GNAS: variants seen among roughly 807,000 people sequenced by gnomAD.
The protein encoded by GNAS is GNAS complex locus, also known as protein ALEX.
In GNAS, 8 loss-of-function variants were observed where a neutral mutation model predicts 54.5. The ratio of observed to expected loss-of-function variants is 0.15; its 90% CI spans 0.09 to 0.26. The LOEUF (loss-of-function observed/expected upper bound fraction) is 0.26. Among genes scored for constraint, GNAS ranks in the 10% least tolerant of loss-of-function variants. GNAS has a pLI of 1.00. For synonymous variants in GNAS, 204 were observed against 191.4 expected (o/e 1.07, Z -0.54); for missense variants, 170 against 529.8 (o/e 0.32, Z 6.67).
At chr20:58,879,236 C>CTTT (rs2088057376) in intron 1 of GNAS, among the ~76,000 whole-genome samples, 1 of 152,130 alleles carries the variant, frequency 6.6e-6, no homozygotes, top group Non-Finnish European at 1.5e-5. Context: ...AAAAAGCAAG[C>CTTT]CTCCAAGCCA....
At chr20:58,872,616 T>G (rs2087543882) in intron 1 of GNAS, among the ~76,000 whole-genome samples, 1 of 152,170 alleles carries the variant, frequency 6.6e-6, no homozygotes, top group Non-Finnish European at 1.5e-5. Flanking sequence ...ACAAGTTTTA[T>G]TCTCTTGGGT....
intron 1 of GNAS, chr20:58,892,154 C>T (rs972206999): frequency 1.2e-4 from 113 of 964,268 alleles, no homozygotes; most frequent in East Asian, 9.4e-4. Context: ...TCGCTCTCCC[C>T]CTCTTTCTCT....
intron 3 of GNAS, chr20:58,900,056 C>A: frequency 1.5e-6 from 1 of 651,814 alleles, no homozygotes. Flanking sequence ...AATAAGAATA[C>A]TATTCTGTTA....
chr20:58,852,775 C>G (rs760216550), intron 1 of GNAS: 1 of 220,780 alleles, frequency 4.5e-6, no homozygotes, highest in Non-Finnish European at 9.1e-6. Context: ...GCGAGGCCTG[C>G]GCTCACCAGC....
intron 1 of GNAS, chr20:58,876,973 C>G (rs2087863585): frequency 6.6e-6 from 1 of 152,284 alleles, no homozygotes; most frequent in African/African-American, 2.4e-5. Flanking sequence ...CTGCTTAGAA[C>G]TCTGCTTTAA....
intron 1 of GNAS, chr20:58,843,903 T>C (rs1294462080): frequency 6.6e-6 from 1 of 152,180 alleles, no homozygotes; most frequent in African/African-American, 2.4e-5. Flanking sequence ...TTTATGTTCA[T>C]CAGAATTCAA....
chr20:58,898,866 A>G, intron 2 of GNAS, 75 bp from the exon 3 acceptor site: 1 of 1,232,784 alleles, frequency 8.1e-7, no homozygotes, highest in Non-Finnish European at 1.2e-6. Flanking sequence ...TGAGGAATGT[A>G]GAGAGACTGT....
chr20:58,854,835 C>A lies in GNAS; in HGVS notation c.43+13949C>A, dbSNP rs777891316. ...TGCAGCCCCTGCCTCCGGGGCCAGACGCAAGATCCATCTCAGACCCCCCAG... is the reference window on the plus strand; with the variant it reads ...TGCAGCCCCTGCCTCCGGGGCCAGAAGCAAGATCCATCTCAGACCCCCCAG... On this transcript the variant is annotated intron_variant, in intron 1 of 12. Coordinates refer to the GNAS transcript ENST00000306090. The A allele has an allele frequency of 4.4e-6, 7 of 1,595,606 alleles. No homozygotes were observed. In the South Asian group the frequency reaches 7.9e-5, roughly 18 times the overall value.
Position 58,841,630 on chromosome 20 carries a change from T to C in GNAS, c.43+744T>C. On this transcript the variant is annotated intron_variant, in intron 1 of 12. Transcript: ENST00000306090. This position sits in a 1 kb window ranked among gnomAD's most constrained non-coding sequence, Gnocchi z 5.0. ...CGCACCTGCCCGCGCGCGCCGGAGC[T>C]GACCTCTCCCGGCGGCGGGCGGTTA... 1 of 1,079,812 alleles carries C rather than the reference T, an allele frequency of 9.3e-7. No individual in the cohort carries two copies. Among genetic ancestry groups the C allele is most frequent in the Non-Finnish European group, 1.1e-6 (1 of 891,174 alleles). The allele number at this position is 1,079,812 out of a possible 1,614,324, so 66.9% of individuals were successfully genotyped here.
At chr20:58,868,396 C>T (rs955817922) in intron 1 of GNAS, among the ~76,000 whole-genome samples, 12 of 152,174 alleles carry the variant, frequency 7.9e-5, no homozygotes, top group African/African-American at 2.4e-4. Context: ...TCAGATGATC[C>T]GCCCACCTTG....
Position 58,853,912 on chromosome 20 carries a change from A to T in GNAS, c.43+13026A>T. On this transcript the variant is annotated intron_variant, in intron 1 of 12. Transcript: ENST00000306090. This position sits in a 1 kb window ranked among gnomAD's most constrained non-coding sequence, Gnocchi z 4.4. ...GCAAAGGCTGGCTCCAGAGGAGGCT[A>T]CAGCCCTCCCCCTGAGGAGACTATG... The T allele has an allele frequency of 6.2e-7, 1 of 1,608,222 alleles. No homozygotes were observed. The highest frequency in any genetic ancestry group is 8.5e-7 in the Non-Finnish European group (1 of 1,177,716).
chr20:58,892,106 C>A (rs558991494), intron 1 of GNAS: 3 of 967,912 alleles, frequency 3.1e-6, no homozygotes, highest in African/African-American at 3.5e-5. Flanking sequence ...CCCCCTCCCC[C>A]GGCCTGCCCG....
Position 58,863,531 on chromosome 20 carries a change from T to C in GNAS, c.43+22645T>C, listed in dbSNP as rs1336322649. 2.0e-5 allele frequency: 3 copies of C among 152,156 alleles called. No individual in the cohort carries two copies. The highest frequency in any genetic ancestry group is 6.5e-5 in the Admixed American group (1 of 15,276). 9.4% of individuals were successfully genotyped at this position (152,156 alleles called of 1,614,324 possible). On this transcript the variant is annotated intron_variant, in intron 1 of 12. Transcript: ENST00000306090. The surrounding 1 kb of genome is among the most constrained non-coding windows in gnomAD (Gnocchi z 4.1). ...TTCCGACATTGTCACACACACACTG[T>C]GTGTGGGACAGAGTAAGTACTTTTA... is the stretch of plus-strand genomic sequence containing the variant.
intron 5 of GNAS, among the ~76,000 whole-genome samples, chr20:58,905,169 T>G (rs926524282): frequency 1.3e-5 from 2 of 152,206 alleles, no homozygotes; most frequent in African/African-American, 4.8e-5. Flanking sequence ...TAATTCACAA[T>G]AAGACCCAGC....
At chr20:58,897,505 AG>A (rs1489088477) in intron 2 of GNAS, 2 of 152,242 alleles carry the variant, frequency 1.3e-5, no homozygotes, top group African/African-American at 4.8e-5. Context: ...CCTTAGCTTG[AG>A]TCGGATGGAA....
intron 1 of GNAS, among the ~76,000 whole-genome samples, chr20:58,893,066 C>CTTTTTTTTTTTTTTTT (rs869179421): frequency 7.8e-5 from 8 of 103,090 alleles, no homozygotes; most frequent in African/African-American, 8.3e-5. Flanking sequence ...GGCGTGGTTT[C>CTTTTTTTTTTTTTTTT]TTTTTTTTTT....
At chr20:58,899,024 C>G (rs1421496939) in intron 3 of GNAS, 39 bp downstream of exon 3, 5 of 1,509,080 alleles carry the variant, frequency 3.3e-6, no homozygotes, top group Non-Finnish European at 4.6e-6. Flanking sequence ...GTTAACAAAC[C>G]AAACAAACAT....
chr20:58,852,028 C>A (rs778153633), intron 1 of GNAS, among the ~76,000 whole-genome samples: 55 of 152,282 alleles, frequency 3.6e-4, no homozygotes, highest in Admixed American at 5.9e-4. Flanking sequence ...TTTAACCCTT[C>A]CCTAGAACAG....
chr20:58,895,281 C>G (rs905947324), intron 1 of GNAS: 26 of 374,986 alleles, frequency 6.9e-5, no homozygotes, highest in African/African-American at 4.2e-4. Flanking sequence ...CTTGTTTACC[C>G]CACAAATGAC....
Sources: allele counts gnomAD v4.1 joint callset (sites outside exome capture counted in the v4.1 genomes callset), GRCh38; gene constraint gnomAD v4.1.1; non-coding constraint Gnocchi (gnomAD v3.1); transcripts MANE v1.5; gene names NCBI Gene and HGNC (gene_info 2026-07-23, HGNC 2026-07-21).